Variants in MYH1 observed in about 807,000 individuals in gnomAD.
MYH1 encodes myosin-1.
In MYH1, 214 loss-of-function variants were observed where a neutral mutation model predicts 225.6. The ratio of observed to expected loss-of-function variants is 0.95; its 90% CI spans 0.85 to 1.06. MYH1 has a LOEUF of 1.06. Among genes scored for constraint, MYH1 ranks in the 50% least tolerant of loss-of-function variants. The pLI is 0.00. For missense variants in MYH1, 2,098 were observed against 2,344.2 expected (o/e 0.89, Z 2.17); for synonymous variants, 774 against 842.3 (o/e 0.92, Z 1.40).
intron 24 of MYH1, among the ~76,000 whole-genome samples, 199 bp from the exon 25 acceptor site, chr17:10,502,110 C>T (rs1002628487): frequency 6.6e-6 from 1 of 152,194 alleles, no homozygotes; most frequent in African/African-American, 2.4e-5. Flanking sequence ...CTCTTTGTCA[C>T]GTTGTTACAA....
intron 18 of MYH1, 31 bp from the exon 19 acceptor site, chr17:10,505,960 G>A (rs114149575): frequency 0.066 from 106,959 of 1,614,032 alleles, 3,969 homozygotes; most frequent in Non-Finnish European, 0.074. Context: ...GCCATACTTC[G>A]TGGTCTATCA....
Position 10,496,561 on chromosome 17 carries a change from C to T in MYH1, c.4657-12G>A. On this transcript the variant is annotated splice_polypyrimidine_tract_variant and intron_variant, in intron 33 of 39. Transcript: ENST00000226207. ...TGTTCAAGAGATGCCTTAATGACAG[C>T]AAGAGGTGACATTAGTAGAGTAATG... The T allele has an allele frequency of 1.2e-6, 2 of 1,614,036 alleles. No homozygotes were observed. Among genetic ancestry groups the T allele is most frequent in the Admixed American group, 3.3e-5 (2 of 60,020 alleles).
At chr17:10,510,177 T>C (rs905277463) in intron 14 of MYH1, among the ~76,000 whole-genome samples, 12 of 152,168 alleles carry the variant, frequency 7.9e-5, no homozygotes, top group African/African-American at 2.4e-4. Flanking sequence ...GTTTGGTTTT[T>C]ATAGTATTTG....
chr17:10,492,691 T>A, intron 39 of MYH1, 123 bp from the exon 40 acceptor site: 1 of 1,096,234 alleles, frequency 9.1e-7, no homozygotes, highest in Non-Finnish European at 1.3e-6. Flanking sequence ...TTAAGAAACC[T>A]AGAGAAATGC....
At chr17:10,504,764 T>G in intron 22 of MYH1, 46 bp downstream of exon 22, 1 of 1,606,212 alleles carries the variant, frequency 6.2e-7, no homozygotes, top group African/African-American at 1.3e-5. Context: ...ACCACTGAGC[T>G]GAAGTTTTAG....
chr17:10,513,996 A>T lies in MYH1; in HGVS notation c.648+14T>A. The T allele has an allele frequency of 1.2e-6, 2 of 1,613,908 alleles. No individual in the cohort carries two copies. The highest frequency in any genetic ancestry group is 1.7e-6 in the Non-Finnish European group (2 of 1,179,780). The stretch of plus-strand genomic sequence containing the variant: ...CCCGACAGAGCCTGGATTCTGACTA[A>T]CAATCAGACTCACCTGCATTTTGCC... On this transcript the variant is annotated intron_variant, in intron 7 of 39. Transcript: ENST00000226207.
intron 24 of MYH1, 107 bp downstream of exon 24, chr17:10,502,631 A>G: frequency 6.6e-7 from 1 of 1,510,990 alleles, no homozygotes; most frequent in Non-Finnish European, 9.1e-7. Context: ...TTCCTCATTC[A>G]TAGGAGGCAC....
chr17:10,495,772 A>AAAAAAAAAAAAAAAAAAAAAAAC (rs2072984733), intron 35 of MYH1, among the ~76,000 whole-genome samples, 178 bp downstream of exon 35: 1 of 149,768 alleles, frequency 6.7e-6, no homozygotes, highest in Non-Finnish European at 1.5e-5. Context: ...AAAAAAAAAA[A>AAAAAAAAAAAAAAAAAAAAAAAC]AAAATCAACT....
Position 10,509,557 on chromosome 17 carries a change from C to G in MYH1, c.1515G>C (p.Lys505Asn), listed in dbSNP as rs1166569541. Residue 505 changes from lysine (K) to asparagine (N), a missense_variant, in exon 15 of 40, where the codon AAG (lysine) becomes AAC (asparagine). By Grantham distance (94) the Lys-to-Asn change is moderately conservative. Coordinates refer to ENST00000226207, the MANE Select transcript of MYH1 (RefSeq NM_005963.4). ...HMFVLEQEEY[K>N]KEGIEWTFID... is the part of the protein sequence containing the mutation. ...TGAACGTCCACTCAATGCCTTCCTT[C>G]TTGTACTCCTCCTGCTCCAGCACGA... is the stretch of plus-strand genomic sequence containing the variant. 1 of 1,614,214 alleles carries G rather than the reference C, an allele frequency of 6.2e-7. No homozygotes were observed. Among genetic ancestry groups the G allele is most frequent in the Non-Finnish European group, 8.5e-7 (1 of 1,180,042 alleles).
rs149731873 is a variant in MYH1 at position 10,496,010 on chromosome 17, C to T, written c.5109G>A (p.Arg1703=). 194 of 1,614,018 alleles carry T rather than the reference C, an allele frequency of 1.2e-4. No homozygotes were observed. The East Asian group carries it at 1.4e-3, about 12-fold the overall frequency. The change falls in exon 35 of 40, where the codon AGG becomes AGA. Residue 1703 remains arginine (R), a synonymous_variant. Coordinates refer to ENST00000226207, the MANE Select transcript of MYH1 (RefSeq NM_005963.4). ...CCAGGAGCTCCTGTTCTGCGATTTTCCTGCTCCTCTCTGTCTGTTCCAGAG... is the reference window on the plus strand; with the variant it reads ...CCAGGAGCTCCTGTTCTGCGATTTTTCTGCTCCTCTCTGTCTGTTCCAGAG... The part of the protein sequence containing the change: ...RATLEQTERS[R]KIAEQELLDA...
At chr17:10,516,160 A>G (rs1174223216) in intron 4 of MYH1, 39 bp downstream of exon 4, 6 of 1,613,500 alleles carry the variant, frequency 3.7e-6, no homozygotes, top group Non-Finnish European at 5.1e-6. Flanking sequence ...AAAACTATTA[A>G]CTACTCTCAT....
chr17:10,516,219 A>C lies in MYH1; in HGVS notation c.328T>G (p.Tyr110Asp). The C allele has an allele frequency of 6.2e-7, 1 of 1,614,242 alleles. No homozygotes were observed. The highest frequency in any genetic ancestry group is 1.1e-5 in the South Asian group (1 of 91,086). Reference protein sequence around the residue: ...PAVLYNLKERYAAWMIYTYSG... With the variant: ...PAVLYNLKERDAAWMIYTYSG... ...CTCACGTAGATCATCCAGGCTGCGT[A>C]GCGCTCTTTGAGGTTGTACAGCACA... The change falls in exon 4 of 40, where the codon TAC (tyrosine) becomes GAC (aspartate). Residue 110 changes from tyrosine (Y) to aspartate (D), a missense_variant. By Grantham distance (160) the Tyr-to-Asp change is radical. Transcript: ENST00000226207.
chr17:10,510,617 C>T (rs2073161468), intron 14 of MYH1, among the ~76,000 whole-genome samples: 1 of 152,118 alleles, frequency 6.6e-6, no homozygotes, highest in Non-Finnish European at 1.5e-5. Context: ...AGGGCATTAT[C>T]ACCATACACA....
In MYH1 at chr17:10,501,021, G is replaced by C. The variant is rs1186863366; in HGVS notation, c.3738+89C>G. 1.9e-6 allele frequency: 3 copies of C among 1,563,634 alleles called. No individual in the cohort carries two copies. The East Asian group carries it at 6.7e-5, about 35-fold the overall frequency. ...TATGAGAAAAAGGGTGCCTGATTTA[G>C]TTCATGAGACGTTTTTGAGATACAA... On this transcript the variant is annotated intron_variant, in intron 27 of 39. Coordinates refer to ENST00000226207, the MANE Select transcript of MYH1 (RefSeq NM_005963.4).
In MYH1 at chr17:10,512,087, T is replaced by C; in HGVS notation, c.1253A>G (p.Gln418Arg). Residue 418 changes from glutamine (Q) to arginine (R), a missense_variant, in exon 13 of 40, where the codon CAA becomes CGA. Physicochemically the swap from Gln to Arg is conservative, Grantham distance 43. Coordinates refer to ENST00000226207, the MANE Select transcript of MYH1 (RefSeq NM_005963.4). ...TCATGCACTTACCTGCTGCACAGTT[T>C]GACCTTTGGTGACATACTCATTGCC... ...KVGNEYVTKG[Q>R]TVQQVYNAVG... The C allele has an allele frequency of 2.5e-6, 4 of 1,614,182 alleles. No individual in the cohort carries two copies. The highest frequency in any genetic ancestry group is 3.4e-6 in the Non-Finnish European group (4 of 1,180,010).
rs3050883 is a variant in MYH1, at chr17:10,495,760, C to CAA, written c.5169+188_5169+189dup. Among the ~76,000 whole-genome samples the CAA allele has an allele frequency of 3.8e-4, 16 of 42,164 alleles. 2 individuals carry two copies. The highest frequency in any genetic ancestry group is 3.6e-3 in the South Asian group (2 of 548). The allele number at this position is 42,164 out of a possible 152,430, so 27.7% of individuals were successfully genotyped here. On this transcript the variant is annotated intron_variant, in intron 35 of 39. Coordinates refer to ENST00000226207, the MANE Select transcript of MYH1 (RefSeq NM_005963.4). ...TGAGCGACAGAGCGAGACTCCGTCT[C>CAA]AAAAAAAAAAAAAAAATCAACTATG...
intron 31 of MYH1, 60 bp from the exon 32 acceptor site, chr17:10,497,512 T>A: frequency 6.4e-7 from 1 of 1,560,108 alleles, no homozygotes; most frequent in Non-Finnish European, 8.6e-7. Context: ...ATAAAAACCA[T>A]CTATTCTAGC....
chr17:10,496,659 T>A, intron 33 of MYH1, 110 bp from the exon 34 acceptor site: 1 of 1,507,986 alleles, frequency 6.6e-7, no homozygotes. Flanking sequence ...GATTTCTAAG[T>A]AGTAGTAAGA....
Position 10,503,103 on chromosome 17 carries a change from T to G in MYH1, c.2837A>C (p.Lys946Thr). The G allele has an allele frequency of 1.9e-6, 3 of 1,612,694 alleles. No homozygotes were observed. The highest frequency in any genetic ancestry group is 1.7e-4 in the Middle Eastern group (1 of 6,048). ...INAELTAKKR[K>T]LEDECSELKK... ...GAGTTCTGAACATTCATCCTCCAGT[T>G]TCCTCTTCTTGGCTGTCAGCTCAGC... The change falls in exon 23 of 40, where the codon AAA (lysine) becomes ACA (threonine). Residue 946 changes from lysine (K) to threonine (T), a missense_variant. Coordinates refer to ENST00000226207, the MANE Select transcript of MYH1 (RefSeq NM_005963.4).
Sources: gnomAD v4.1 joint callset for allele counts (sites outside exome capture counted in the v4.1 genomes callset) on GRCh38, gnomAD v4.1.1 for gene constraint, MANE v1.5 for transcripts, NCBI Gene and HGNC (gene_info 2026-07-23, HGNC 2026-07-21) for gene names.